The following NRXN1 variants were observed in gnomAD, a reference collection of about 807,000 sequenced individuals.
The protein encoded by NRXN1 is neurexin 1.
Under a neutral mutation model 150.9 loss-of-function variants are expected in NRXN1, and 39 were observed. The observed-to-expected ratio is 0.26, with a 90% confidence interval of 0.20 to 0.34. NRXN1 has a LOEUF of 0.34. NRXN1 is among the 10% of genes least tolerant of loss of function. The probability of loss-of-function intolerance (pLI) is 1.00; values close to 1 mark genes in which losing one functional copy is unlikely to be tolerated. For synonymous variants in NRXN1, 924 were observed against 757.0 expected (o/e 1.22, Z -3.62); for missense variants, 1,815 against 1,949.9 (o/e 0.93, Z 1.30).
rs1575168981 is a variant in NRXN1, at chr2:50,998,003, C to T, written c.772+29499G>A. 1.4e-5 allele frequency among the ~76,000 whole-genome samples: 2 copies of T among 141,294 alleles called. 1 individual carries two copies. The highest frequency in any genetic ancestry group is 4.5e-4 in the South Asian group (2 of 4,406). The allele number at this position is 141,294 out of a possible 152,430, so 92.7% of individuals were successfully genotyped here. On this transcript the variant is annotated intron_variant, in intron 2 of 22. Coordinates refer to ENST00000401669, the MANE Select transcript of NRXN1 (RefSeq NM_001330078.2). ...GGAGGACTAGAGGAAGTGTACCCTC[C>T]AGAGAAGCCAAATTTAGTCTGGGAA... is the stretch of plus-strand genomic sequence containing the variant.
chr2:50,804,586 T>C (rs1667264798), intron 5 of NRXN1, among the ~76,000 whole-genome samples: 1 of 152,140 alleles, frequency 6.6e-6, no homozygotes. Flanking sequence ...ATGACCTCTT[T>C]GACAATGTGA....
At chr2:50,169,784 G>C (rs1251653980) in intron 18 of NRXN1, among the ~76,000 whole-genome samples, 1 of 150,952 alleles carries the variant, frequency 6.6e-6, no homozygotes, top group Non-Finnish European at 1.5e-5. Flanking sequence ...GGAATTCCTG[G>C]CATAGGGGAT....
chr2:50,133,354 G>A (rs187571206), intron 18 of NRXN1, among the ~76,000 whole-genome samples: 1 of 152,252 alleles, frequency 6.6e-6, no homozygotes, highest in African/African-American at 2.4e-5. Context: ...TTCAGAGGAG[G>A]TCTGAAGAAA....
chr2:50,903,011 G>T (rs2103976369), intron 5 of NRXN1, among the ~76,000 whole-genome samples: 1 of 152,232 alleles, frequency 6.6e-6, no homozygotes, highest in East Asian at 1.9e-4. Context: ...ATGAATAAAA[G>T]ATGAAGCTGC....
At chr2:49,998,384 T>C (rs1683339623) in intron 21 of NRXN1, among the ~76,000 whole-genome samples, 1 of 152,182 alleles carries the variant, frequency 6.6e-6, no homozygotes, top group Non-Finnish European at 1.5e-5. Flanking sequence ...TTTTTAATTG[T>C]AAAATGTGTG....
At chr2:50,502,302 T>G (rs2091988384) in intron 13 of NRXN1, among the ~76,000 whole-genome samples, 1 of 152,144 alleles carries the variant, frequency 6.6e-6, no homozygotes, top group African/African-American at 2.4e-5. Context: ...CAGCATTTGA[T>G]GTTAAGTCTT....
At chr2:49,956,584 CAAG>C (rs1484424762) in intron 21 of NRXN1, among the ~76,000 whole-genome samples, 2 of 152,192 alleles carry the variant, frequency 1.3e-5, no homozygotes, top group East Asian at 3.9e-4. Flanking sequence ...TCTCACATAG[CAAG>C]AAAAGTCCAA....
intron 18 of NRXN1, among the ~76,000 whole-genome samples, chr2:50,134,657 C>A (rs916568280): frequency 2.6e-5 from 4 of 152,144 alleles, no homozygotes; most frequent in African/African-American, 9.7e-5. Context: ...CATAAGAAAT[C>A]ATCGCTTTTT....
chr2:51,016,996 A>T (rs1668762751), intron 2 of NRXN1, among the ~76,000 whole-genome samples: 1 of 152,028 alleles, frequency 6.6e-6, no homozygotes, highest in Non-Finnish European at 1.5e-5. Flanking sequence ...CAGCAAAATA[A>T]CACAGGAACA....
At chr2:50,875,825 T>C (rs1366062902) in intron 5 of NRXN1, among the ~76,000 whole-genome samples, 1 of 151,794 alleles carries the variant, frequency 6.6e-6, no homozygotes, top group Non-Finnish European at 1.5e-5. Flanking sequence ...GCTCAATCAA[T>C]TCTGATCTCA....
At chr2:50,784,157 T>C (rs1011391216) in intron 5 of NRXN1, among the ~76,000 whole-genome samples, 1 of 152,142 alleles carries the variant, frequency 6.6e-6, no homozygotes, top group Non-Finnish European at 1.5e-5. Flanking sequence ...GTTTCTTCAA[T>C]AAATATATTA....
At chr2:50,274,054 C>G (rs2070074053) in intron 17 of NRXN1, among the ~76,000 whole-genome samples, 1 of 152,116 alleles carries the variant, frequency 6.6e-6, no homozygotes, top group South Asian at 2.1e-4. Flanking sequence ...ATAAATCATT[C>G]TACTATGAGG....
At chr2:50,618,753 T>C (rs1357978598) in intron 8 of NRXN1, among the ~76,000 whole-genome samples, 1 of 150,332 alleles carries the variant, frequency 6.7e-6, no homozygotes, top group Non-Finnish European at 1.5e-5. Context: ...GCTCTGGAAA[T>C]ATTAGTACTA....
intron 5 of NRXN1, among the ~76,000 whole-genome samples, chr2:50,753,195 GA>G (rs199865302): frequency 1.3e-5 from 2 of 151,562 alleles, no homozygotes; most frequent in East Asian, 1.9e-4. Context: ...AATATTTGGA[GA>G]AAAAAAGGTT....
At chr2:50,525,295 T>G (rs1367824845) in intron 12 of NRXN1, among the ~76,000 whole-genome samples, 6 of 152,242 alleles carry the variant, frequency 3.9e-5, no homozygotes, top group Non-Finnish European at 7.3e-5. Context: ...AGTTTTAAAA[T>G]AGCCTACAAT....
chr2:50,987,021 T>A (rs543277549), intron 2 of NRXN1, among the ~76,000 whole-genome samples: 3 of 151,902 alleles, frequency 2.0e-5, no homozygotes, highest in East Asian at 1.9e-4. Context: ...ATGCTATTCA[T>A]CTTTTACAAT....
intron 12 of NRXN1, among the ~76,000 whole-genome samples, chr2:50,509,408 A>G (rs1395004983): frequency 1.3e-5 from 2 of 152,162 alleles, no homozygotes; most frequent in African/African-American, 4.8e-5. Flanking sequence ...ATGTCTATCT[A>G]GGGATGCTGA....
intron 17 of NRXN1, among the ~76,000 whole-genome samples, chr2:50,428,841 ATT>A (rs2084716248): frequency 6.6e-6 from 1 of 152,210 alleles, no homozygotes. Flanking sequence ...GATTAAATCC[ATT>A]TGAATAGAAG....
chr2:50,182,169 T>C (rs543294315), intron 18 of NRXN1, among the ~76,000 whole-genome samples: 15 of 151,390 alleles, frequency 9.9e-5, no homozygotes, highest in South Asian at 4.2e-4. Context: ...TCCTCTCTGA[T>C]TGACAAATAA....
Sources: gnomAD v4.1 joint callset for allele counts (sites outside exome capture counted in the v4.1 genomes callset) on GRCh38, gnomAD v4.1.1 for gene constraint, MANE v1.5 for transcripts, NCBI Gene and HGNC (gene_info 2026-07-23, HGNC 2026-07-21) for gene names.